Variants in CNTNAP2 observed in about 807,000 individuals in gnomAD.
The protein encoded by CNTNAP2 is contactin-associated protein-like 2.
A neutral mutation model predicts 155.2 loss-of-function variants in CNTNAP2; 98 were observed. That is an observed-to-expected ratio of 0.63 (90% CI 0.54 to 0.75). The LOEUF (loss-of-function observed/expected upper bound fraction) is 0.75. CNTNAP2 is among the 30% of genes least tolerant of loss of function. CNTNAP2 has a pLI of 0.00. For missense variants in CNTNAP2, 1,727 were observed against 1,688.1 expected, an observed-to-expected ratio of 1.02 and a Z score of -0.40; for synonymous variants, 651 against 631.2, an observed-to-expected ratio of 1.03 and a Z score of -0.47.
At position 147,528,880 on chromosome 7, in the gene CNTNAP2, T is replaced by C. The variant is rs116338587; in HGVS notation, c.1778-33258T>C. On this transcript the variant is annotated intron_variant, in intron 11 of 23. Transcript: ENST00000361727. ...GTAAGTAATATCTTTTGTGATTTTT[T>C]AAAATGACACACAGTAGATGAGCTC... Among the ~76,000 whole-genome samples the C allele has an allele frequency of 6.6e-3, 1,005 of 152,274 alleles. 11 individuals carry two copies. The highest frequency in any genetic ancestry group is 0.043 in the East Asian group (220 of 5,172).
At chr7:146,863,055 C>G (rs549304100) in intron 3 of CNTNAP2, among the ~76,000 whole-genome samples, 1 of 152,242 alleles carries the variant, frequency 6.6e-6, no homozygotes, top group South Asian at 2.1e-4. Flanking sequence ...AATTTGGGAC[C>G]TGTCTAATGT....
At chr7:146,177,328 G>C (rs1798483666) in intron 1 of CNTNAP2, among the ~76,000 whole-genome samples, 1 of 152,094 alleles carries the variant, frequency 6.6e-6, no homozygotes, top group Admixed American at 6.6e-5. Flanking sequence ...AAAATTTCAG[G>C]CATCAACAAA....
chr7:148,000,520 A>G (rs1801877740), intron 15 of CNTNAP2, among the ~76,000 whole-genome samples: 1 of 152,180 alleles, frequency 6.6e-6, no homozygotes, highest in Non-Finnish European at 1.5e-5. Context: ...CGTGAAAACC[A>G]TGATAGAGAT....
intron 1 of CNTNAP2, among the ~76,000 whole-genome samples, chr7:146,451,039 C>G (rs753212865): frequency 1.3e-5 from 2 of 152,014 alleles, no homozygotes; most frequent in African/African-American, 2.4e-5. Context: ...CTCTGACCCC[C>G]GGGTTCACGC....
rs916055838 is a variant in CNTNAP2 at position 147,937,137 on chromosome 7, G to A, written c.2255+33416G>A. Among the ~76,000 whole-genome samples the A allele has an allele frequency of 3.9e-4, 59 of 152,168 alleles. 1 individual carries two copies. Among genetic ancestry groups the A allele is most frequent in the African/African-American group, 1.3e-3 (56 of 41,518 alleles). On this transcript the variant is annotated intron_variant, in intron 14 of 23. Coordinates refer to ENST00000361727, the MANE Select transcript of CNTNAP2 (RefSeq NM_014141.6). ...TCCTTCACTGCTTGACTTAAGAGGA[G>A]GAAGACATGATAGGCCAGTCAGTCT...
chr7:147,653,373 T>C (rs1795476477), intron 13 of CNTNAP2, among the ~76,000 whole-genome samples: 1 of 152,262 alleles, frequency 6.6e-6, no homozygotes, highest in Admixed American at 6.5e-5. Context: ...CGAGATCCTG[T>C]TAAAACGAGA....
chr7:147,501,078 T>C (rs1798802540), intron 11 of CNTNAP2, among the ~76,000 whole-genome samples: 1 of 152,116 alleles, frequency 6.6e-6, no homozygotes, highest in Non-Finnish European at 1.5e-5. Flanking sequence ...TGGTTTGATA[T>C]ATCTAAATTA....
At chr7:147,353,081 TTATATA>T (rs139829172) in intron 9 of CNTNAP2, among the ~76,000 whole-genome samples, 2 of 139,732 alleles carry the variant, frequency 1.4e-5, no homozygotes, top group East Asian at 3.9e-4. Flanking sequence ...GTAGAATTCT[TTATATA>T]TATATATAGA....
rs141262361 is a variant in CNTNAP2 at position 147,345,163 on chromosome 7, C to A, written c.1498+44873C>A. On this transcript the variant is annotated intron_variant, in intron 9 of 23. Coordinates refer to ENST00000361727, the MANE Select transcript of CNTNAP2 (RefSeq NM_014141.6). ...TATAAATACAGAGCTGTCATATTTA[C>A]GCTGAATTATAAAACAACTGAAAAC... is the stretch of plus-strand genomic sequence containing the variant. 2.9e-3 allele frequency among the ~76,000 whole-genome samples: 446 copies of A among 152,078 alleles called. 3 individuals carry two copies. The highest frequency in any genetic ancestry group is 0.01 in the African/African-American group (423 of 41,506).
intron 8 of CNTNAP2, among the ~76,000 whole-genome samples, chr7:147,247,453 T>C (rs1471171634): frequency 6.6e-6 from 1 of 152,198 alleles, no homozygotes; most frequent in African/African-American, 2.4e-5. Context: ...AGATTCCCAT[T>C]ATTTCTTATC....
At chr7:147,900,584 C>T (rs1257602333) in intron 13 of CNTNAP2, among the ~76,000 whole-genome samples, 3 of 152,028 alleles carry the variant, frequency 2.0e-5, no homozygotes, top group Non-Finnish European at 4.4e-5. Context: ...AGTGTGAAAT[C>T]ATTCTTGGGT....
chr7:147,913,688 C>G (rs1585025140), intron 14 of CNTNAP2, among the ~76,000 whole-genome samples: 1 of 152,194 alleles, frequency 6.6e-6, no homozygotes, highest in Non-Finnish European at 1.5e-5. Flanking sequence ...GCTATAGAGT[C>G]AGACCATCTA....
intron 10 of CNTNAP2, among the ~76,000 whole-genome samples, chr7:147,409,911 G>A (rs1196665561): frequency 6.6e-6 from 1 of 152,018 alleles, no homozygotes; most frequent in African/African-American, 2.4e-5. Flanking sequence ...AACAAATACT[G>A]GCAATGCTTT....
intron 15 of CNTNAP2, among the ~76,000 whole-genome samples, chr7:148,066,773 C>T (rs555496077): frequency 2.6e-5 from 4 of 152,178 alleles, no homozygotes; most frequent in Non-Finnish European, 5.9e-5. Flanking sequence ...GCTAGGATTA[C>T]AGGCGTGAGC....
chr7:147,666,800 C>T (rs560615435), intron 13 of CNTNAP2, among the ~76,000 whole-genome samples: 39 of 152,268 alleles, frequency 2.6e-4, no homozygotes, highest in African/African-American at 8.2e-4. Context: ...ATAAGAGGTA[C>T]AAAGATGGAA....
At chr7:147,248,058 T>C (rs1804106693) in intron 8 of CNTNAP2, among the ~76,000 whole-genome samples, 1 of 151,698 alleles carries the variant, frequency 6.6e-6, no homozygotes, top group South Asian at 2.1e-4. Context: ...TGGGAGGGCG[T>C]ATCCACAGAG....
chr7:146,812,440 TA>T (rs199849377), intron 2 of CNTNAP2, among the ~76,000 whole-genome samples: 1 of 139,502 alleles, frequency 7.2e-6, no homozygotes, highest in African/African-American at 3.0e-5. Context: ...TATATATATA[TA>T]AAAAATATAT....
chr7:146,499,182 C>A (rs904850260), intron 1 of CNTNAP2, among the ~76,000 whole-genome samples: 2 of 152,080 alleles, frequency 1.3e-5, no homozygotes, highest in African/African-American at 4.8e-5. Flanking sequence ...ATTTATTTAG[C>A]TGAATATATA....
At chr7:148,275,670 G>A (rs1796858540) in intron 21 of CNTNAP2, among the ~76,000 whole-genome samples, 1 of 152,348 alleles carries the variant, frequency 6.6e-6, no homozygotes, top group East Asian at 1.9e-4. Context: ...CGAGCCAGGG[G>A]CTGAGTTCTC....
Sources: allele counts gnomAD v4.1 joint callset (sites outside exome capture counted in the v4.1 genomes callset), GRCh38; gene constraint gnomAD v4.1.1; transcripts MANE v1.5; gene names NCBI Gene and HGNC (gene_info 2026-07-23, HGNC 2026-07-21).